HNRNPUL2: variants seen among roughly 807,000 people sequenced by gnomAD.
The protein encoded by HNRNPUL2 is heterogeneous nuclear ribonucleoprotein U-like protein 2.
A neutral mutation model predicts 102.2 loss-of-function variants in HNRNPUL2; 27 were observed. That is an observed-to-expected ratio of 0.26 (90% CI 0.19 to 0.36). The LOEUF is 0.36. Among genes scored for constraint, HNRNPUL2 ranks in the 10% least tolerant of loss-of-function variants. The probability of loss-of-function intolerance (pLI) is 1.00; values close to 1 mark genes in which losing one functional copy is unlikely to be tolerated. For missense variants in HNRNPUL2, 936 were observed against 981.1 expected, an observed-to-expected ratio of 0.95 and a Z score of 0.61; for synonymous variants, 458 against 387.2, an observed-to-expected ratio of 1.18 and a Z score of -2.15.
In HNRNPUL2 at chr11:62,727,245, C is replaced by G; in HGVS notation, c.-89G>C. The G allele has an allele frequency of 8.1e-7, 1 of 1,233,794 alleles. No individual in the cohort carries two copies. Among genetic ancestry groups the G allele is most frequent in the Non-Finnish European group, 1.0e-6 (1 of 964,700 alleles). 76.4% of individuals were successfully genotyped at this position (1,233,794 alleles called of 1,614,324 possible). On this transcript the variant is annotated 5_prime_UTR_variant, in exon 1 of 14. Transcript: ENST00000301785. ...CCGCGCAGGCGCCGCCGCCGCCGCC[C>G]GCCTCCGCCTCACGCGCCAGCACTG...
At chr11:62,726,115 G>T (rs1004447073) in intron 1 of HNRNPUL2, among the ~76,000 whole-genome samples, 1 of 152,200 alleles carries the variant, frequency 6.6e-6, no homozygotes, top group Non-Finnish European at 1.5e-5. Flanking sequence ...AGAGGAGCAA[G>T]GTTGGATTTT....
chr11:62,726,833 CTGCGCG>C lies in HNRNPUL2; in HGVS notation c.318_323del (p.Ala107_Gln108del), dbSNP rs1565165109. The C allele has an allele frequency of 6.3e-7, 1 of 1,589,586 alleles. No homozygotes were observed. The highest frequency in any genetic ancestry group is 8.5e-7 in the Non-Finnish European group (1 of 1,175,054). On this transcript the variant is annotated inframe_deletion, in exon 1 of 14. Coordinates refer to ENST00000301785, the MANE Select transcript of HNRNPUL2 (RefSeq NM_001079559.3). ...CCGCCTCCGGGGGCTCCGGCGGCGG[CTGCGCG>C]GCCTGACCCAAGGCTTGAGCAGGGG...
At chr11:62,724,450 TCAG>T (rs2083728317) in intron 1 of HNRNPUL2, 24 bp from the exon 2 acceptor site, 9 of 1,613,900 alleles carry the variant, frequency 5.6e-6, no homozygotes, top group Non-Finnish European at 7.6e-6. Flanking sequence ...GGAAAGAAAA[TCAG>T]CAGTTTTCAT....
chr11:62,727,212 G>C lies in HNRNPUL2; in HGVS notation c.-56C>G. 1 of 1,332,080 alleles carries C rather than the reference G, an allele frequency of 7.5e-7. No homozygotes were observed. The highest frequency in any genetic ancestry group is 9.6e-7 in the Non-Finnish European group (1 of 1,045,246). The allele number at this position is 1,332,080 out of a possible 1,614,324, so 82.5% of individuals were successfully genotyped here. ...CCTCCTCCCCTGCGAACCGTCGACC[G>C]AGTCCGACCGCGCAGGCGCCGCCGC... On this transcript the variant is annotated 5_prime_UTR_variant, in exon 1 of 14. Coordinates refer to ENST00000301785, the MANE Select transcript of HNRNPUL2 (RefSeq NM_001079559.3).
At position 62,721,411 on chromosome 11, in the gene HNRNPUL2, C is replaced by T. The variant is rs542954017; in HGVS notation, c.1495G>A (p.Glu499Lys). 1,770 of 1,590,298 alleles carry T rather than the reference C, an allele frequency of 1.1e-3. 24 individuals are homozygous for T. In the South Asian group the frequency reaches 0.019, roughly 17 times the overall value. ...CTTTTGGGGTCCATCTCTGGCTCCT[C>T]GAGACCCTTCATCTGATTAGTTTGA... ...VLNQMRMKGL[E>K]EPEMDPKSRD... The change falls in exon 9 of 14, where the codon GAG (glutamate) becomes AAG (lysine). Residue 499 changes from glutamate (E) to lysine (K), a missense_variant. Physicochemically the swap from Glu to Lys is moderately conservative, Grantham distance 56. Around this residue, in one of 2 missense-constraint regions of HNRNPUL2, gnomAD observed 609 missense variants for 713.0 expected, o/e 0.85. Transcript: ENST00000301785.
rs1270659988 is a variant in HNRNPUL2, at chr11:62,715,336, T to C, written c.2207A>G (p.Tyr736Cys). The C allele has an allele frequency of 1.9e-6, 3 of 1,613,242 alleles. No individual in the cohort carries two copies. The highest frequency in any genetic ancestry group is 3.3e-5 in the Admixed American group (2 of 59,934). The change falls in exon 14 of 14, where the codon TAC becomes TGC. Residue 736 changes from tyrosine to cysteine, a missense_variant. Tyr to Cys is a radical substitution (Grantham distance 194, BLOSUM62 -2). Transcript: ENST00000301785. ...YYHHPQDRDR[Y>C]YRNYYGYQGY... Reference sequence around the variant, plus strand: ...TTGGTACCCGTAGTAATTCCTGTAGTATCGGTCTCTGTCCTGGGGGTGGTG... The same window carrying C: ...TTGGTACCCGTAGTAATTCCTGTAGCATCGGTCTCTGTCCTGGGGGTGGTG...
Position 62,727,034 on chromosome 11 carries a change from C to T in HNRNPUL2, c.123G>A (p.Met41Ile). 1 of 1,400,540 alleles carries T rather than the reference C, an allele frequency of 7.1e-7. No individual in the cohort carries two copies. The highest frequency in any genetic ancestry group is 9.3e-7 in the Non-Finnish European group (1 of 1,072,314). 86.8% of individuals were successfully genotyped at this position (1,400,540 alleles called of 1,614,324 possible). The change falls in exon 1 of 14, where the codon ATG (methionine) becomes ATA (isoleucine). Residue 41 changes from methionine (M) to isoleucine (I), a missense_variant. By Grantham distance (10) the Met-to-Ile change is conservative. Transcript: ENST00000301785. ...QRLQEALDAE[M>I]LEDEAGGGGA... ...CGCCGCCGCCGGCCTCGTCCTCGAG[C>T]ATCTCGGCGTCCAGCGCCTCCTGCA...
chr11:62,722,394 G>T lies in HNRNPUL2; in HGVS notation c.1096-14C>A. 6.2e-7 allele frequency: 1 copy of T among 1,611,418 alleles called. No individual in the cohort carries two copies. The highest frequency in any genetic ancestry group is 1.1e-5 in the South Asian group (1 of 90,908). On this transcript the variant is annotated splice_polypyrimidine_tract_variant and intron_variant, in intron 6 of 13. Coordinates refer to ENST00000301785, the MANE Select transcript of HNRNPUL2 (RefSeq NM_001079559.3). ...AGTCTCAAAATTCTACAATGACAAG[G>T]GACAAGAGCACTTATTGGCTGACGA...
At chr11:62,715,747 A>G in intron 12 of HNRNPUL2, 117 bp downstream of exon 12, 1 of 1,154,990 alleles carries the variant, frequency 8.7e-7, no homozygotes, top group East Asian at 2.4e-5. Context: ...CTTCCAGAAC[A>G]TATTAAATGG....
intron 1 of HNRNPUL2, among the ~76,000 whole-genome samples, chr11:62,726,355 C>G (rs1221229064): frequency 6.6e-6 from 1 of 152,202 alleles, no homozygotes; most frequent in African/African-American, 2.4e-5. Flanking sequence ...AGGTAGCTCA[C>G]AAGTAGTTCG....
chr11:62,716,280 C>T (rs1218764201), intron 11 of HNRNPUL2, among the ~76,000 whole-genome samples: 1 of 152,182 alleles, frequency 6.6e-6, no homozygotes, highest in Non-Finnish European at 1.5e-5. Flanking sequence ...GAAGGGATTT[C>T]AGATATCGTA....
chr11:62,725,517 T>G (rs1276140438), intron 1 of HNRNPUL2, among the ~76,000 whole-genome samples: 1 of 152,204 alleles, frequency 6.6e-6, no homozygotes, highest in Non-Finnish European at 1.5e-5. Context: ...AATTATTTTT[T>G]TATCTGCTCT....
rs775462561 is a variant in HNRNPUL2 at position 62,721,880 on chromosome 11, T to C, written c.1422A>G (p.Lys474=). ...GKTQWALKYA[K]ENPEKRYNVL... is the part of the protein sequence containing the mutation. ...CATTGTATCTTTTCTCAGGGTTTTC[T>C]TTTGCATATTTCAGTGCCCACTGGG... The change falls in exon 8 of 14, where the codon AAA becomes AAG. Residue 474 remains lysine (K), a synonymous_variant. Transcript: ENST00000301785. 86 of 1,614,096 alleles carry C rather than the reference T, an allele frequency of 5.3e-5. 1 individual carries two copies. Among genetic ancestry groups the C allele is most frequent in the Non-Finnish European group, 7.1e-5 (84 of 1,180,024 alleles).
chr11:62,716,032 C>G (rs944501260), intron 11 of HNRNPUL2, 95 bp from the exon 12 acceptor site: 1 of 926,086 alleles, frequency 1.1e-6, no homozygotes, highest in African/African-American at 1.7e-5. Flanking sequence ...AAAGGCAATT[C>G]TGGGGGAATA....
chr11:62,723,942 C>T lies in HNRNPUL2; in HGVS notation c.723G>A (p.Glu241=). The T allele has an allele frequency of 3.7e-6, 6 of 1,613,952 alleles. No homozygotes were observed. Among genetic ancestry groups the T allele is most frequent in the Non-Finnish European group, 5.1e-6 (6 of 1,179,834 alleles). The change falls in exon 3 of 14, where the codon GAG becomes GAA. Residue 241 remains glutamate, a synonymous_variant. Coordinates refer to ENST00000301785, the MANE Select transcript of HNRNPUL2 (RefSeq NM_001079559.3). ...PPEEEAKDEE[E]DQTLVNLDTY... is the part of the protein sequence containing the mutation. ...TGTCCAGGTTCACAAGAGTTTGATC[C>T]TCCTCCTCATCTTTTGCCTCTTCTT... is the stretch of plus-strand genomic sequence containing the variant.
Position 62,724,327 on chromosome 11 carries a change from G to A in HNRNPUL2, c.638C>T (p.Ala213Val). The change falls in exon 2 of 14, where the codon GCT (alanine) becomes GTT (valine). Residue 213 changes from alanine to valine, a missense_variant. Physicochemically the swap from Ala to Val is moderately conservative, Grantham distance 64 (BLOSUM62 0). Coordinates refer to ENST00000301785, the MANE Select transcript of HNRNPUL2 (RefSeq NM_001079559.3). ...AGCCTCCTCTCGGAATTCATAGTAAGCTCGGCCATGTTCATCCTTCTCATC... is the reference window on the plus strand; with the variant it reads ...AGCCTCCTCTCGGAATTCATAGTAAACTCGGCCATGTTCATCCTTCTCATC... ...QRDEKDEHGRAYYEFREEAYH... is the reference protein window; with the variant it reads ...QRDEKDEHGRVYYEFREEAYH... 1 of 1,614,126 alleles carries A rather than the reference G, an allele frequency of 6.2e-7. No homozygotes were observed. Among genetic ancestry groups the A allele is most frequent in the Non-Finnish European group, 8.5e-7 (1 of 1,180,026 alleles).
Position 62,727,290 on chromosome 11 carries a change from A to C in HNRNPUL2, c.-134T>G. On this transcript the variant is annotated 5_prime_UTR_variant, in exon 1 of 14. Transcript: ENST00000301785. ...GCACTGAGCCCGCGCGAGCGAGCGC[A>C]CGCACGCAGGAGCGGAGGCCGCGCA... The C allele has an allele frequency of 8.8e-7, 1 of 1,134,384 alleles. No homozygotes were observed. Among genetic ancestry groups the C allele is most frequent in the Non-Finnish European group, 1.1e-6 (1 of 904,700 alleles). The allele number at this position is 1,134,384 out of a possible 1,614,324, so 70.3% of individuals were successfully genotyped here. A position where few individuals can be genotyped will look rare whatever the true frequency, so the allele number is the denominator to read the frequency against.
At chr11:62,722,475 C>G in intron 6 of HNRNPUL2, 95 bp from the exon 7 acceptor site, 1 of 1,496,680 alleles carries the variant, frequency 6.7e-7, no homozygotes, top group Non-Finnish European at 9.2e-7. Context: ...GACTGCTGCA[C>G]AAAGTAACTA....
At position 62,722,290 on chromosome 11, in the gene HNRNPUL2, C is replaced by T. The variant is rs1565162453; in HGVS notation, c.1186G>A (p.Asp396Asn). ...AGGACATGGGGTAGAAGGGCCCGGTCTGCCAGGGAATCCTTGCTGATCCAG... is the reference window on the plus strand; with the variant it reads ...AGGACATGGGGTAGAAGGGCCCGGTTTGCCAGGGAATCCTTGCTGATCCAG... The part of the protein sequence containing the change: ...AFWISKDSLA[D>N]RALLPHVLCK... Residue 396 changes from aspartate (D) to asparagine (N), a missense_variant, in exon 7 of 14, where the codon GAC becomes AAC. This residue lies in a region of HNRNPUL2 where 609 missense variants were observed against 713.0 expected (regional missense o/e 0.85). Coordinates refer to ENST00000301785, the MANE Select transcript of HNRNPUL2 (RefSeq NM_001079559.3). 6.2e-7 allele frequency: 1 copy of T among 1,614,214 alleles called. No homozygotes were observed. Among genetic ancestry groups the T allele is most frequent in the Non-Finnish European group, 8.5e-7 (1 of 1,180,028 alleles).
Sources: gnomAD v4.1 joint callset for allele counts (sites outside exome capture counted in the v4.1 genomes callset) on GRCh38, gnomAD v4.1.1 for gene constraint, gnomAD v4.1.1 regional missense constraint, MANE v1.5 for transcripts, NCBI Gene and HGNC (gene_info 2026-07-23, HGNC 2026-07-21) for gene names.